Variants in HMCN2 observed in about 807,000 individuals in gnomAD.
HMCN2 encodes the protein hemicentin-2.
In HMCN2, 325 loss-of-function variants were observed where a neutral mutation model predicts 377.5. The ratio of observed to expected loss-of-function variants is 0.86; its 90% CI spans 0.79 to 0.94. HMCN2 has a LOEUF of 0.94. Among genes scored for constraint, HMCN2 ranks in the 40% least tolerant of loss-of-function variants. The pLI is 0.00. For missense variants in HMCN2, 4,543 were observed against 4,725.3 expected, an observed-to-expected ratio of 0.96 and a Z score of 1.13; for synonymous variants, 2,007 against 2,046.8, an observed-to-expected ratio of 0.98 and a Z score of 0.53.
chr9:130,424,167 A>ATTT (rs1404374578), intron 87 of HMCN2, among the ~76,000 whole-genome samples: 2 of 97,130 alleles, frequency 2.1e-5, no homozygotes, highest in African/African-American at 8.2e-5. Flanking sequence ...ATATATATAT[A>ATTT]TATTTTTTTT....
Position 130,304,964 on chromosome 9 carries a change from A to T in HMCN2, c.1778A>T (p.Asn593Ile), listed in dbSNP as rs181397350. The stretch of plus-strand genomic sequence containing the variant: ...TACCAGTGTGTGGCCAGCAATGCCA[A>T]TGGGGTCACAAGGGCATCCGTCTGG... The part of the protein sequence containing the change: ...GRYQCVASNA[N>I]GVTRASVWLL... The change falls in exon 11 of 98, where the codon AAT becomes ATT. Residue 593 changes from asparagine to isoleucine, a missense_variant. Asn to Ile is a moderately radical substitution (Grantham distance 149). This residue lies in a region of HMCN2 where 547 missense variants were observed against 189.9 expected (regional missense o/e 2.88). Coordinates refer to ENST00000683500, the MANE Select transcript of HMCN2 (RefSeq NM_001291815.2). The surrounding 1 kb of genome is among the most constrained non-coding windows in gnomAD (Gnocchi z 4.3). The T allele has an allele frequency of 2.1e-6, 1 of 471,088 alleles. No homozygotes were observed. The highest frequency in any genetic ancestry group is 6.9e-5 in the East Asian group (1 of 14,396). The allele number at this position is 471,088 out of a possible 1,614,324, so 29.2% of individuals were successfully genotyped here.
At chr9:130,277,794 C>G (rs573306751) in intron 1 of HMCN2, among the ~76,000 whole-genome samples, 1 of 106,852 alleles carries the variant, frequency 9.4e-6, no homozygotes, top group Non-Finnish European at 2.0e-5. Context: ...CCACCACCAT[C>G]ATCATCACCA....
rs1843571529 is a variant in HMCN2, at chr9:130,414,226, GA to G, written c.12961+3576del. 6.6e-6 allele frequency among the ~76,000 whole-genome samples: 1 copy of G among 152,160 alleles called. No homozygotes were observed. The highest frequency in any genetic ancestry group is 2.1e-4 in the South Asian group (1 of 4,830). On this transcript the variant is annotated intron_variant, in intron 85 of 97. Transcript: ENST00000683500. This position sits in a 1 kb window ranked among gnomAD's most constrained non-coding sequence, Gnocchi z 4.4. The stretch of plus-strand genomic sequence containing the variant: ...GTCACCACTGTCATCTACTGAGTGG[GA>G]AGCTCCTCCCCCGTGTGGCCAGGTG...
intron 22 of HMCN2, among the ~76,000 whole-genome samples, chr9:130,327,698 T>C (rs1178164330): frequency 6.6e-6 from 1 of 152,154 alleles, no homozygotes; most frequent in Non-Finnish European, 1.5e-5. Context: ...CCATCTGAAA[T>C]AACATGCACG....
chr9:130,314,014 A>G (rs1837413018), intron 15 of HMCN2, among the ~76,000 whole-genome samples: 1 of 152,142 alleles, frequency 6.6e-6, no homozygotes, highest in Non-Finnish European at 1.5e-5. Flanking sequence ...TCCCGACCTC[A>G]GATGATCCAC....
In HMCN2 at chr9:130,392,032, GC is replaced by G; in HGVS notation, c.10053del (p.Ile3352SerfsTer3). On this transcript the variant is annotated frameshift_variant, in exon 66 of 98. Transcript: ENST00000683500. LOFTEE classifies it high-confidence loss of function. Reference sequence around the variant, plus strand: ...TGGTGTGCCCTGTGCGGGGCTCCCCGCCCATCCACGTGAGCTGGCTCAAGGA... The same window carrying G: ...TGGTGTGCCCTGTGCGGGGCTCCCCGCCATCCACGTGAGCTGGCTCAAGGA... The part of the protein sequence containing the change: ...TMVCPVRGSP[P>X]IHVSWLKDGL... The G allele has an allele frequency of 1.0e-6, 1 of 988,354 alleles. No homozygotes were observed. The highest frequency in any genetic ancestry group is 1.2e-6 in the Non-Finnish European group (1 of 830,382). The allele number at this position is 988,354 out of a possible 1,614,324, so 61.2% of individuals were successfully genotyped here.
chr9:130,310,870 CTG>C (rs2131367002), intron 15 of HMCN2, among the ~76,000 whole-genome samples: 1 of 152,314 alleles, frequency 6.6e-6, no homozygotes, highest in Non-Finnish European at 1.5e-5. Context: ...GTGAGGCTGA[CTG>C]TACTACTCCC....
At chr9:130,424,280 A>G (rs1439938974) in intron 87 of HMCN2, among the ~76,000 whole-genome samples, 1 of 149,782 alleles carries the variant, frequency 6.7e-6, no homozygotes, top group Non-Finnish European at 1.5e-5. Flanking sequence ...CCGGGTTCAC[A>G]CCATTATCCT....
rs1405871280 is a variant in HMCN2 at position 130,393,887 on chromosome 9, C to A, written c.10380C>A (p.Ser3460Arg). Reference sequence around the variant, plus strand: ...ATGGGGAACCCTTGTTGTCCCAGAGCCTCGAGCAGGGGCCCAGCCTGCAGC... The same window carrying A: ...ATGGGGAACCCTTGTTGTCCCAGAGACTCGAGCAGGGGCCCAGCCTGCAGC... ...MKDGEPLLSQ[S>R]LEQGPSLQLE... Residue 3460 changes from serine to arginine, a missense_variant, in exon 68 of 98, where the codon AGC becomes AGA. Coordinates refer to ENST00000683500, the MANE Select transcript of HMCN2 (RefSeq NM_001291815.2). This position sits in a 1 kb window ranked among gnomAD's most constrained non-coding sequence, Gnocchi z 5.2. The A allele has an allele frequency of 7.8e-7, 1 of 1,289,600 alleles. No individual in the cohort carries two copies. The highest frequency in any genetic ancestry group is 2.3e-5 in the Admixed American group (1 of 43,548). 79.9% of individuals were successfully genotyped at this position (1,289,600 alleles called of 1,614,324 possible).
intron 5 of HMCN2, among the ~76,000 whole-genome samples, chr9:130,295,307 A>C (rs1554931649): frequency 6.6e-6 from 1 of 151,922 alleles, no homozygotes; most frequent in African/African-American, 2.4e-5. Flanking sequence ...GTGGATTCTC[A>C]TGGTGGTGAG....
rs71387339 is a variant in HMCN2 at position 130,293,279 on chromosome 9, G to GTTTTTTTTTTTTTTTTTTTTTTTT, written c.613-1555_613-1554insTTTTTTTTTTTTTTTTTTTTTTTT. Among the ~76,000 whole-genome samples, 70 of 57,122 alleles carry GTTTTTTTTTTTTTTTTTTTTTTTT rather than the reference G, an allele frequency of 1.2e-3. 9 individuals carry two copies. The highest frequency in any genetic ancestry group is 3.3e-3 in the African/African-American group (29 of 8,886). The allele number at this position is 57,122 out of a possible 152,430, so 37.5% of individuals were successfully genotyped here. The stretch of plus-strand genomic sequence containing the variant: ...TTCCAAATAAAATCTACTCACTAAA[G>GTTTTTTTTTTTTTTTTTTTTTTTT]TTTTTTTTTTTTTTTTTTTTTGCGG... On this transcript the variant is annotated intron_variant, in intron 4 of 97. Coordinates refer to ENST00000683500, the MANE Select transcript of HMCN2 (RefSeq NM_001291815.2).
chr9:130,285,141 A>G lies in HMCN2; in HGVS notation c.331-17A>G, dbSNP rs782503465. On this transcript the variant is annotated splice_polypyrimidine_tract_variant and intron_variant, in intron 2 of 97. Coordinates refer to ENST00000683500, the MANE Select transcript of HMCN2 (RefSeq NM_001291815.2). ...GAGGAGGCAGGTGGCAGCTGCTGAC[A>G]TGCTTCTGCCCTCCAGGGAGGTGGT... is the stretch of plus-strand genomic sequence containing the variant. The G allele has an allele frequency of 6.4e-6, 3 of 470,388 alleles. No homozygotes were observed. Among genetic ancestry groups the G allele is most frequent in the Admixed American group, 4.7e-5 (2 of 42,542 alleles). The allele number at this position is 470,388 out of a possible 1,614,324, so 29.1% of individuals were successfully genotyped here. A position where few individuals can be genotyped will look rare whatever the true frequency, so the allele number is the denominator to read the frequency against.
chr9:130,396,078 C>CCCG lies in HMCN2; in HGVS notation c.11053+13_11053+14insCCG. The CCCG allele has an allele frequency of 1.6e-6, 2 of 1,231,212 alleles. No homozygotes were observed. The highest frequency in any genetic ancestry group is 2.1e-6 in the Non-Finnish European group (2 of 947,390). The allele number at this position is 1,231,212 out of a possible 1,614,324, so 76.3% of individuals were successfully genotyped here. On this transcript the variant is annotated intron_variant, in intron 72 of 97. Transcript: ENST00000683500. Reference sequence around the variant, plus strand: ...GTGGAGATCCACAGTGAGTAGGGCCCGCCCCACCCCACCCTGCCCACCTTA... The same window carrying CCCG: ...GTGGAGATCCACAGTGAGTAGGGCCCCCGGCCCCACCCCACCCTGCCCACCTTA...
chr9:130,301,858 G>A (rs1196048239), intron 8 of HMCN2, among the ~76,000 whole-genome samples: 1 of 152,258 alleles, frequency 6.6e-6, no homozygotes, highest in African/African-American at 2.4e-5. Flanking sequence ...ACCCAGCGGG[G>A]CAGTTTCTCA....
intron 22 of HMCN2, among the ~76,000 whole-genome samples, chr9:130,333,851 G>C (rs941571289): frequency 4.1e-4 from 63 of 152,358 alleles, no homozygotes; most frequent in African/African-American, 1.4e-3. Context: ...AGCATGCGCA[G>C]GGTCATGATA....
chr9:130,397,142 C>G (rs561790497), intron 73 of HMCN2, among the ~76,000 whole-genome samples: 1 of 152,294 alleles, frequency 6.6e-6, no homozygotes, highest in South Asian at 2.1e-4. Flanking sequence ...ACTTGCAGTT[C>G]CACATGGCTG....
intron 34 of HMCN2, 67 bp from the exon 35 acceptor site, chr9:130,357,767 T>C: frequency 8.3e-7 from 1 of 1,198,802 alleles, no homozygotes; most frequent in Non-Finnish European, 1.1e-6. Flanking sequence ...ATCGAGGGGG[T>C]TGCTGGGTGC....
chr9:130,430,603 A>G lies in HMCN2; in HGVS notation c.14646A>G (p.Thr4882=). 2 of 1,546,852 alleles carry G rather than the reference A, an allele frequency of 1.3e-6. No homozygotes were observed. Among genetic ancestry groups the G allele is most frequent in the Admixed American group, 3.9e-5 (2 of 50,820 alleles). Residue 4882 remains threonine, a splice_region_variant and synonymous_variant, in exon 95 of 98, where the codon ACA becomes ACG. Coordinates refer to ENST00000683500, the MANE Select transcript of HMCN2 (RefSeq NM_001291815.2). The part of the protein sequence containing the change: ...PGFIRQNGVC[T]DLDECRVRNL... The stretch of plus-strand genomic sequence containing the variant: ...TCATCAGGCAGAACGGAGTCTGCAC[A>G]GGTAAGGCCAGGCCCTGACCATCCA...
intron 7 of HMCN2, among the ~76,000 whole-genome samples, chr9:130,298,033 T>C (rs2131322552): frequency 6.6e-6 from 1 of 152,278 alleles, no homozygotes. Context: ...CTGCTCACTC[T>C]AACCTCTGCC....
Sources: allele counts gnomAD v4.1 joint callset (sites outside exome capture counted in the v4.1 genomes callset), GRCh38; gene constraint gnomAD v4.1.1; regional missense constraint gnomAD v4.1.1; non-coding constraint Gnocchi (gnomAD v3.1); transcripts MANE v1.5; gene names NCBI Gene and HGNC (gene_info 2026-07-23, HGNC 2026-07-21).